Variants in SYT17 observed in about 807,000 individuals in gnomAD.
The protein encoded by SYT17 is synaptotagmin 17, also known as synaptotagmin-17.
SYT17 carries 22 observed loss-of-function variants against 46.7 expected under a neutral mutation model. The observed-to-expected ratio is 0.47, with a 90% CI of 0.34 to 0.67. SYT17 has a LOEUF of 0.67. SYT17 is among the 30% of genes least tolerant of loss of function. The pLI, the probability that SYT17 is intolerant of heterozygous loss-of-function variation, is 0.01. For synonymous variants in SYT17, 251 were observed against 248.4 expected (o/e 1.01, Z -0.10); for missense variants, 519 against 612.8 (o/e 0.85, Z 1.62).
In SYT17 at chr16:19,168,462, A is replaced by T; in HGVS notation, c.-185A>T. The T allele has an allele frequency of 4.1e-6, 3 of 738,708 alleles. No homozygotes were observed. In the South Asian group the frequency reaches 5.7e-5, roughly 14 times the overall value. The allele number at this position is 738,708 out of a possible 1,614,324, so 45.8% of individuals were successfully genotyped here. A position where few individuals can be genotyped will look rare whatever the true frequency, so the allele number is the denominator to read the frequency against. On this transcript the variant is annotated 5_prime_UTR_variant, in exon 1 of 8. In the 5' UTR this introduces an upstream ATG that the reference lacks. Transcript: ENST00000355377. This position sits in a 1 kb window ranked among gnomAD's most constrained non-coding sequence, Gnocchi z 6.9. ...ATTCCGAGAGCCGGAACGCAGGGAA[A>T]GGCAAGGACGGGGCGGCCGGCGGAG...
chr16:19,218,770 C>T (rs1161658456), intron 5 of SYT17, among the ~76,000 whole-genome samples: 1 of 152,202 alleles, frequency 6.6e-6, no homozygotes, highest in African/African-American at 2.4e-5. Flanking sequence ...GGGCAGCTTG[C>T]CTTGGTTCCT....
chr16:19,232,051 G>A (rs1035104572), intron 7 of SYT17, among the ~76,000 whole-genome samples: 2 of 152,130 alleles, frequency 1.3e-5, no homozygotes, highest in African/African-American at 4.8e-5. Context: ...ATGCAGAGAG[G>A]TCGGCCGGGC....
Position 19,207,893 on chromosome 16 carries a change from G to A in SYT17, c.952-15152G>A, listed in dbSNP as rs76348231. ...AGCTTGGGTGACACAGTGAGACCCC[G>A]TCTGTAACAAAACAGGAAAAAAAAG... On this transcript the variant is annotated intron_variant, in intron 5 of 7. Coordinates refer to ENST00000355377, the MANE Select transcript of SYT17 (RefSeq NM_016524.4). Among the ~76,000 whole-genome samples, 981 of 152,038 alleles carry A rather than the reference G, an allele frequency of 6.5e-3. 13 individuals carry two copies. The highest frequency in any genetic ancestry group is 0.022 in the African/African-American group (924 of 41,420).
upstream of SYT17, chr16:19,167,933 C>T (rs1337359463): frequency 6.6e-6 from 1 of 152,396 alleles, no homozygotes; most frequent in Non-Finnish European, 1.5e-5. Context: ...TTGGGACGCC[C>T]TACGCCCACC....
In SYT17 at chr16:19,267,261, C is replaced by T. The variant is rs1251242667; in HGVS notation, c.*185C>T. 9 of 516,404 alleles carry T rather than the reference C, an allele frequency of 1.7e-5. No individual in the cohort carries two copies. The highest frequency in any genetic ancestry group is 1.5e-4 in the African/African-American group (5 of 33,612). 32.0% of individuals were successfully genotyped at this position (516,404 alleles called of 1,614,324 possible). On this transcript the variant is annotated 3_prime_UTR_variant, in exon 8 of 8. Transcript: ENST00000355377. ...CTGAGAGGAAGCTGACTATTGATCA[C>T]AAAATGGCCGCCCTCAGTTGAGTGA... is the stretch of plus-strand genomic sequence containing the variant.
chr16:19,214,580 G>A (rs1323869122), intron 5 of SYT17, among the ~76,000 whole-genome samples: 1 of 152,072 alleles, frequency 6.6e-6, no homozygotes, highest in Admixed American at 6.6e-5. Flanking sequence ...ACACCCCAGG[G>A]ACATTTTTGT....
chr16:19,260,191 T>C (rs11644703), intron 7 of SYT17, among the ~76,000 whole-genome samples: 69,950 of 151,596 alleles, frequency 0.46, 16,772 homozygotes, highest in East Asian at 0.61. Flanking sequence ...TCTTACCAGA[T>C]TTAAAGAGTC....
chr16:19,264,971 TTC>T (rs769451012), intron 7 of SYT17, among the ~76,000 whole-genome samples: 24 of 152,282 alleles, frequency 1.6e-4, no homozygotes, highest in Non-Finnish European at 3.1e-4. Context: ...TGCATTGTCA[TTC>T]TTGAGCTTTG....
At chr16:19,185,668 T>C (rs1188164751) in intron 5 of SYT17, among the ~76,000 whole-genome samples, 2 of 151,758 alleles carry the variant, frequency 1.3e-5, no homozygotes. Context: ...GAAAATGGCC[T>C]TGGGTCCAAG....
intron 7 of SYT17, among the ~76,000 whole-genome samples, chr16:19,234,908 C>T (rs2142925083): frequency 6.6e-6 from 1 of 152,338 alleles, no homozygotes; most frequent in African/African-American, 2.4e-5. Context: ...ATCTCCCTCA[C>T]CTGTTCACCA....
chr16:19,201,213 G>T (rs531236094), intron 5 of SYT17, among the ~76,000 whole-genome samples: 2 of 152,300 alleles, frequency 1.3e-5, no homozygotes, highest in Admixed American at 1.3e-4. Context: ...CTGCGGCATG[G>T]AAGGACTTGC....
intron 5 of SYT17, among the ~76,000 whole-genome samples, chr16:19,221,149 A>G (rs1966301165): frequency 6.8e-6 from 1 of 145,996 alleles, no homozygotes; most frequent in Admixed American, 7.0e-5. Context: ...TGATCATGCC[A>G]TTGTTCCAGA....
At chr16:19,224,868 C>A in intron 7 of SYT17, 30 bp downstream of exon 7, 2 of 1,611,504 alleles carry the variant, frequency 1.2e-6, no homozygotes, top group South Asian at 1.1e-5. Context: ...CCGATGAACT[C>A]CAGGTGAGGC....
chr16:19,172,759 G>A lies in SYT17; in HGVS notation c.16-1G>A. The A allele has an allele frequency of 6.2e-7, 1 of 1,613,870 alleles. No homozygotes were observed. The highest frequency in any genetic ancestry group is 8.5e-7 in the Non-Finnish European group (1 of 1,179,994). On this transcript the variant is annotated splice_acceptor_variant, in intron 1 of 7. Transcript: ENST00000355377. LOFTEE classifies it high-confidence loss of function. ...CTTCATCGTGGATCTTAAAAGGGCAGTTGGAACCATTAAACGAGGTGGGTT... is the reference window on the plus strand; with the variant it reads ...CTTCATCGTGGATCTTAAAAGGGCAATTGGAACCATTAAACGAGGTGGGTT...
chr16:19,222,476 G>C (rs1966356647), intron 5 of SYT17, among the ~76,000 whole-genome samples: 1 of 152,126 alleles, frequency 6.6e-6, no homozygotes, highest in Non-Finnish European at 1.5e-5. Flanking sequence ...GCTATCGTGA[G>C]GTTAGAAGCG....
At chr16:19,212,369 C>T (rs1965937471) in intron 5 of SYT17, among the ~76,000 whole-genome samples, 1 of 151,944 alleles carries the variant, frequency 6.6e-6, no homozygotes, top group Non-Finnish European at 1.5e-5. Context: ...ACATGTCATC[C>T]CAGCACTTTG....
At chr16:19,174,051 C>T (rs375868941) in intron 3 of SYT17, among the ~76,000 whole-genome samples, 4 of 152,106 alleles carry the variant, frequency 2.6e-5, no homozygotes, top group Admixed American at 2.0e-4. Context: ...GATGGGTAGA[C>T]GGAATGAACA....
intron 5 of SYT17, among the ~76,000 whole-genome samples, chr16:19,208,884 CTTTTTTTTTT>C (rs1191498524): frequency 2.2e-4 from 14 of 63,312 alleles, no homozygotes; most frequent in Admixed American, 1.6e-3. Flanking sequence ...CAAGGACCTT[CTTTTTTTTTT>C]TTTTTTTTTT....
intron 7 of SYT17, among the ~76,000 whole-genome samples, chr16:19,263,514 C>A (rs954545926): frequency 4.6e-5 from 7 of 151,770 alleles, no homozygotes; most frequent in Non-Finnish European, 8.8e-5. Flanking sequence ...TGGTGGTGGG[C>A]ACCTGTACCC....
Sources: gnomAD v4.1 joint callset for allele counts (sites outside exome capture counted in the v4.1 genomes callset) on GRCh38, gnomAD v4.1.1 for gene constraint, Gnocchi (gnomAD v3.1) non-coding constraint, MANE v1.5 for transcripts, NCBI Gene and HGNC (gene_info 2026-07-23, HGNC 2026-07-21) for gene names.